Variants in SELENON observed in about 807,000 individuals in gnomAD.
SELENON encodes the protein selenoprotein N.
SELENON carries 44 observed loss-of-function variants against 59.5 expected under a neutral mutation model. The observed-to-expected ratio is 0.74, with a 90% CI of 0.58 to 0.95. SELENON has a LOEUF of 0.95. SELENON is among the 40% of genes least tolerant of loss of function. The probability of loss-of-function intolerance (pLI) is 0.00; values close to 1 mark genes in which losing one functional copy is unlikely to be tolerated. For missense variants in SELENON, 674 were observed against 721.4 expected (o/e 0.93, Z 0.75); for synonymous variants, 320 against 305.6 (o/e 1.05, Z -0.49).
At chr1:25,809,652 G>A (rs2047940890) in intron 6 of SELENON, 31 bp from the exon 6 acceptor site, 2 of 1,612,244 alleles carry the variant, frequency 1.2e-6, no homozygotes, top group Non-Finnish European at 1.7e-6. Context: ...AAGGTGGGCA[G>A]CTCTGGTGCA....
chr1:25,802,885 A>G (rs1010285150), intron 3 of SELENON, among the ~76,000 whole-genome samples: 1 of 152,190 alleles, frequency 6.6e-6, no homozygotes, highest in African/African-American at 2.4e-5. Context: ...GGTGTAAGTC[A>G]GTCATTGATG....
rs757565639 is a variant in SELENON at position 25,805,298 on chromosome 1, TGGG to T, written c.537+25_537+27del. The T allele has an allele frequency of 3.7e-6, 6 of 1,613,696 alleles. No homozygotes were observed. The South Asian group carries it at 6.6e-5, about 18-fold the overall frequency. On this transcript the variant is annotated intron_variant, in intron 4 of 12. Transcript: ENST00000361547. ...GGGGTGAGTTGGGGACCACAGGCAG[TGGG>T]GTCATCTGTGTGTATCCCGAAGATG...
chr1:25,817,953 C>CCA lies in SELENON; in HGVS notation c.*2236_*2237dup, dbSNP rs1216618184. 1 of 151,808 alleles carries CCA rather than the reference C, an allele frequency of 6.6e-6. No individual in the cohort carries two copies. The highest frequency in any genetic ancestry group is 1.5e-5 in the Non-Finnish European group (1 of 68,182). The allele number at this position is 151,808 out of a possible 1,614,324, so 9.4% of individuals were successfully genotyped here. ...TGATGCTCTCTCTCTGCCTCCCCCC[C>CCA]CATCCTGTCAGGCACAGGTGACGGG... On this transcript the variant is annotated 3_prime_UTR_variant, in exon 13 of 13. Transcript: ENST00000361547.
At position 25,811,844 on chromosome 1, in the gene SELENON, C is replaced by A; in HGVS notation, c.1246C>A (p.Arg416=). 6.3e-7 allele frequency: 1 copy of A among 1,578,350 alleles called. No homozygotes were observed. Among genetic ancestry groups the A allele is most frequent in the Admixed American group, 1.8e-5 (1 of 54,260 alleles). Reference sequence around the variant, plus strand: ...GGAGCTGAGCTGGGAGGAGGCTGCCCGGCGCCTGGAGGTGGCCATGTACCC... The same window carrying A: ...GGAGCTGAGCTGGGAGGAGGCTGCCAGGCGCCTGGAGGTGGCCATGTACCC... The change falls in exon 9 of 13, where the codon CGG becomes AGG. Residue 416 remains arginine (R), a synonymous_variant. Transcript: ENST00000361547.
intron 12 of SELENON, 91 bp downstream of exon 11, chr1:25,814,269 G>A: frequency 1.0e-6 from 1 of 960,620 alleles, no homozygotes; most frequent in Non-Finnish European, 1.6e-6. Flanking sequence ...GACTTCATCA[G>A]GCTTCGGGAC....
chr1:25,811,970 G>C (rs1283612457), intron 9 of SELENON, 91 bp downstream of exon 8: 10 of 1,318,776 alleles, frequency 7.6e-6, no homozygotes, highest in African/African-American at 2.9e-5. Flanking sequence ...ACGCTGGTAT[G>C]TGTGCAGGGC....
chr1:25,812,556 TACACACAAAC>T lies in SELENON; in HGVS notation c.1282-123_1282-114del, dbSNP rs746421369. 4,395 of 527,324 alleles carry T rather than the reference TACACACAAAC, an allele frequency of 8.3e-3. 55 individuals are homozygous for T. Among genetic ancestry groups the T allele is most frequent in the African/African-American group, 0.064 (2,572 of 40,264 alleles). 32.7% of individuals were successfully genotyped at this position (527,324 alleles called of 1,614,324 possible). A position where few individuals can be genotyped will look rare whatever the true frequency, so the allele number is the denominator to read the frequency against. The stretch of plus-strand genomic sequence containing the variant: ...AGACATACACACAAATATATATGCC[TACACACAAAC>T]ACACACACACACACACACACACACA... On this transcript the variant is annotated intron_variant, in intron 9 of 12. Coordinates refer to ENST00000361547, the MANE Select transcript of SELENON (RefSeq NM_020451.3).
At chr1:25,804,661 G>A (rs912258290) in intron 3 of SELENON, among the ~76,000 whole-genome samples, 40 of 16,378 alleles carry the variant, frequency 2.4e-3, no homozygotes, top group African/African-American at 8.1e-3. Context: ...CCCCCCCGCC[G>A]CAAAAAAAAA....
At chr1:25,805,336 T>TC (rs2047896941) in intron 4 of SELENON, 61 bp downstream of exon 3, 1 of 1,608,246 alleles carries the variant, frequency 6.2e-7, no homozygotes, top group East Asian at 2.2e-5. Flanking sequence ...GAGTTTCTGC[T>TC]CCATTCATCC....
intron 8 of SELENON, 43 bp from the exon 8 acceptor site, chr1:25,811,648 G>C (rs2047960758): frequency 6.2e-7 from 1 of 1,608,684 alleles, no homozygotes; most frequent in African/African-American, 1.3e-5. Flanking sequence ...GAGGATTCTT[G>C]CCCATCTCTG....
In SELENON at chr1:25,811,850, C is replaced by G; in HGVS notation, c.1252C>G (p.Leu418Val). ...GAGCTGGGAGGAGGCTGCCCGGCGC[C>G]TGGAGGTGGCCATGTACCCCTTCAA... Residue 418 changes from leucine to valine, a missense_variant, in exon 9 of 13, where the codon CTG becomes GTG. Physicochemically the swap from Leu to Val is conservative, Grantham distance 32. Transcript: ENST00000361547. 1 of 1,574,566 alleles carries G rather than the reference C, an allele frequency of 6.4e-7. No homozygotes were observed. The highest frequency in any genetic ancestry group is 2.3e-5 in the East Asian group (1 of 43,090).
At chr1:25,802,465 C>T (rs1461379748) in intron 3 of SELENON, among the ~76,000 whole-genome samples, 1 of 152,098 alleles carries the variant, frequency 6.6e-6, no homozygotes, top group Non-Finnish European at 1.5e-5. Flanking sequence ...CAAGCAATTC[C>T]CCTGCCTCAG....
chr1:25,811,828 C>G lies in SELENON; in HGVS notation c.1230C>G (p.Ser410Arg). The change falls in exon 9 of 13, where the codon AGC becomes AGG. Residue 410 changes from serine to arginine, a missense_variant. Coordinates refer to ENST00000361547, the MANE Select transcript of SELENON (RefSeq NM_020451.3). ...AGATCAAGTGGCAGCAGGAGCTGAG[C>G]TGGGAGGAGGCTGCCCGGCGCCTGG... 4 of 1,584,664 alleles carry G rather than the reference C, an allele frequency of 2.5e-6. No homozygotes were observed. In the South Asian group the frequency reaches 3.4e-5, roughly 14 times the overall value.
At chr1:25,806,984 G>T (rs2047913654) in intron 4 of SELENON, among the ~76,000 whole-genome samples, 1 of 152,074 alleles carries the variant, frequency 6.6e-6, no homozygotes, top group African/African-American at 2.4e-5. Flanking sequence ...ACCACACCCG[G>T]CTAATTTCTT....
intron 4 of SELENON, among the ~76,000 whole-genome samples, chr1:25,806,630 A>C (rs1257886019): frequency 1.3e-5 from 2 of 152,110 alleles, no homozygotes; most frequent in African/African-American, 4.8e-5. Flanking sequence ...GTCAGTCTGC[A>C]CATGTTGAAG....
chr1:25,809,232 C>G, intron 6 of SELENON, 82 bp downstream of exon 5: 2 of 1,592,310 alleles, frequency 1.3e-6, no homozygotes, highest in Non-Finnish European at 1.7e-6. Flanking sequence ...CAGCTTGAGC[C>G]CCCCAGCTCC....
rs140320187 is a variant in SELENON, at chr1:25,815,739, T to C, written c.*21T>C. ...CCTAGAGTGCCTGGACGGGATCTGA[T>C]GCACAGGCCCCCACGCCTCAGAGCC... On this transcript the variant is annotated 3_prime_UTR_variant, in exon 13 of 13. Coordinates refer to ENST00000361547, the MANE Select transcript of SELENON (RefSeq NM_020451.3). 3.1e-6 allele frequency: 5 copies of C among 1,612,524 alleles called. No homozygotes were observed. The African/African-American group carries it at 5.3e-5, about 17-fold the overall frequency.
rs574410089 is a variant in SELENON, at chr1:25,806,500, A to G, written c.537+1225A>G. On this transcript the variant is annotated intron_variant, in intron 4 of 12. Coordinates refer to ENST00000361547, the MANE Select transcript of SELENON (RefSeq NM_020451.3). ...AAGGAAGGGCAGGGAGCGGCTCCTC[A>G]TGGACAGTGGGTGGGCAGGAGTTGG... Among the ~76,000 whole-genome samples the G allele has an allele frequency of 3.9e-5, 6 of 152,200 alleles. No homozygotes were observed. In the East Asian group the frequency reaches 1.2e-3, roughly 29 times the overall value.
chr1:25,815,736 T>C lies in SELENON; in HGVS notation c.*18T>C, dbSNP rs763193254. On this transcript the variant is annotated 3_prime_UTR_variant, in exon 13 of 13. Transcript: ENST00000361547. Reference sequence around the variant, plus strand: ...AGCCCTAGAGTGCCTGGACGGGATCTGATGCACAGGCCCCCACGCCTCAGA... The same window carrying C: ...AGCCCTAGAGTGCCTGGACGGGATCCGATGCACAGGCCCCCACGCCTCAGA... The C allele has an allele frequency of 6.2e-7, 1 of 1,612,950 alleles. No individual in the cohort carries two copies. Among genetic ancestry groups the C allele is most frequent in the Non-Finnish European group, 8.5e-7 (1 of 1,179,878 alleles).
Sources: allele counts gnomAD v4.1 joint callset (sites outside exome capture counted in the v4.1 genomes callset), GRCh38; gene constraint gnomAD v4.1.1; transcripts MANE v1.5; gene names NCBI Gene and HGNC (gene_info 2026-07-23, HGNC 2026-07-21).